The following HAVCR1 variants were observed in gnomAD, a reference collection of about 807,000 sequenced individuals.
HAVCR1 encodes T cell immunoglobin domain and mucin domain protein 1.
A neutral mutation model predicts 32.0 loss-of-function variants in HAVCR1; 34 were observed. That is an observed-to-expected ratio of 1.06 (90% CI 0.81 to 1.42). The LOEUF is 1.42. HAVCR1 is among the 40% of genes most tolerant of loss of function. HAVCR1 has a pLI of 0.00. For synonymous variants in HAVCR1, 178 were observed against 170.3 expected (o/e 1.05, Z -0.35); for missense variants, 420 against 442.3 (o/e 0.95, Z 0.45).
intron 5 of HAVCR1, among the ~76,000 whole-genome samples, chr5:157,047,827 A>T (rs2113586146): frequency 6.6e-6 from 1 of 152,290 alleles, no homozygotes; most frequent in Non-Finnish European, 1.5e-5. Flanking sequence ...GCCGCTCAGA[A>T]GTTCCAGAGA....
At position 157,044,615 on chromosome 5, in the gene HAVCR1, GAGAAAGAAAGAAAGAAAGAA is replaced by G. The variant is rs1554090477; in HGVS notation, c.782-1953_782-1934del. Among the ~76,000 whole-genome samples, 133 of 52,682 alleles carry G rather than the reference GAGAAAGAAAGAAAGAAAGAA, an allele frequency of 2.5e-3. 2 individuals carry two copies. Among genetic ancestry groups the G allele is most frequent in the Admixed American group, 6.5e-3 (26 of 3,990 alleles). The allele number at this position is 52,682 out of a possible 152,430, so 34.6% of individuals were successfully genotyped here. On this transcript the variant is annotated intron_variant, in intron 5 of 8. Transcript: ENST00000523175. ...AGAAAGAAAGAAAGAAAGAAAGAAA[GAGAAAGAAAGAAAGAAAGAA>G]AGAAAGAAAGAAAGAAAGAAAGAAA... is the stretch of plus-strand genomic sequence containing the variant.
At chr5:157,060,622 G>A (rs180966204), upstream of HAVCR1, among the ~76,000 whole-genome samples, 401 of 152,128 alleles carry the variant, frequency 2.6e-3, 5 homozygotes, top group African/African-American at 9.3e-3. Context: ...AGTGCTGCCC[G>A]GTAGAATTTT....
chr5:157,049,098 T>C lies in HAVCR1; in HGVS notation c.721A>G (p.Thr241Ala). Residue 241 changes from threonine to alanine, a missense_variant, in exon 5 of 9, where the codon ACA becomes GCA. By Grantham distance (58) the Thr-to-Ala change is moderately conservative. Coordinates refer to ENST00000523175, the MANE Select transcript of HAVCR1 (RefSeq NM_001173393.3). ...SPQPAETHPTTLQGAIRREPT... is the reference protein window; with the variant it reads ...SPQPAETHPTALQGAIRREPT... ...TCTCTCCTTATTGCTCCCTGCAGTGTCGTAGGGTGGGTTTCTGCTGGCTGA... is the reference window on the plus strand; with the variant it reads ...TCTCTCCTTATTGCTCCCTGCAGTGCCGTAGGGTGGGTTTCTGCTGGCTGA... 4.3e-6 allele frequency: 7 copies of C among 1,613,184 alleles called. No individual in the cohort carries two copies. The highest frequency in any genetic ancestry group is 5.9e-6 in the Non-Finnish European group (7 of 1,179,216).
At chr5:157,058,742 T>A (rs531561502) in intron 1 of HAVCR1, among the ~76,000 whole-genome samples, 179 bp downstream of exon 1, 18 of 152,286 alleles carry the variant, frequency 1.2e-4, no homozygotes, top group African/African-American at 4.3e-4. Flanking sequence ...CCACAACGAC[T>A]TATCCCTAGC....
chr5:157,042,310 C>T (rs888653480), intron 6 of HAVCR1, among the ~76,000 whole-genome samples: 3 of 151,884 alleles, frequency 2.0e-5, no homozygotes, highest in African/African-American at 4.8e-5. Context: ...GGCATGGTGG[C>T]GGGCGCCTGT....
At chr5:157,068,818 C>T in the HAVCR1 span, among the ~76,000 whole-genome samples, 2 of 152,100 alleles carry the variant, frequency 1.3e-5, no homozygotes, top group Admixed American at 6.6e-5. Flanking sequence ...ACTATGTCGC[C>T]TAGGCTGGTC....
chr5:157,068,141 G>A, the HAVCR1 span, among the ~76,000 whole-genome samples: 2 of 152,178 alleles, frequency 1.3e-5, no homozygotes, highest in African/African-American at 4.8e-5. Flanking sequence ...AGGCATGGTT[G>A]CGGGTGCTTC....
At position 157,055,361 on chromosome 5, in the gene HAVCR1, CT is replaced by C. The variant is rs755237996; in HGVS notation, c.218del (p.Lys73ArgfsTer18). The C allele has an allele frequency of 7.2e-5, 117 of 1,613,908 alleles. No homozygotes were observed. The Middle Eastern group carries it at 2.0e-3, about 27-fold the overall frequency. On this transcript the variant is annotated frameshift_variant, in exon 3 of 9. Transcript: ENST00000523175. LOFTEE classifies it high-confidence loss of function. ...CCCCCAATAGCTTATAGCGTGTGTC[CT>C]TCCGATAGGTGACGTGGGTTCCATT... is the stretch of plus-strand genomic sequence containing the variant. ...WTNGTHVTYR[K>X]DTRYKLLGDL... is the part of the protein sequence containing the mutation.
Position 157,041,010 on chromosome 5 carries a change from A to G in HAVCR1, c.837+1617T>C, listed in dbSNP as rs182867338. On this transcript the variant is annotated intron_variant, in intron 6 of 8. Coordinates refer to ENST00000523175, the MANE Select transcript of HAVCR1 (RefSeq NM_001173393.3). ...TTCAAAAAGTTACTTGCACATACTA[A>G]AAGGCAGATTGTTTCTTACAGGAGC... Among the ~76,000 whole-genome samples the G allele has an allele frequency of 1.2e-3, 182 of 152,332 alleles. 1 individual carries two copies. The highest frequency in any genetic ancestry group is 4.0e-3 in the African/African-American group (166 of 41,586).
At chr5:157,057,391 GAA>G (rs1483255653) in intron 2 of HAVCR1, among the ~76,000 whole-genome samples, 921 of 10,184 alleles carry the variant, frequency 0.09, 14 homozygotes, top group African/African-American at 0.12. Flanking sequence ...AGAGAGGAAA[GAA>G]AGAAAGAAAG....
At chr5:157,050,944 C>T (rs1414722044) in intron 4 of HAVCR1, among the ~76,000 whole-genome samples, 1 of 152,078 alleles carries the variant, frequency 6.6e-6, no homozygotes, top group Non-Finnish European at 1.5e-5. Flanking sequence ...CAGATTTTTC[C>T]AGCTAAGAGG....
chr5:157,045,651 A>G (rs936636682), intron 5 of HAVCR1, among the ~76,000 whole-genome samples: 1 of 152,138 alleles, frequency 6.6e-6, no homozygotes, highest in Admixed American at 6.5e-5. Context: ...TAAACAAGAT[A>G]ATATATCCAT....
intron 5 of HAVCR1, among the ~76,000 whole-genome samples, chr5:157,044,629 G>GAAAGAA (rs1554090539): frequency 2.1e-4 from 13 of 61,662 alleles, no homozygotes; most frequent in East Asian, 8.7e-4. Flanking sequence ...AAGAAAGAAA[G>GAAAGAA]AAAGAAAGAA....
intron 3 of HAVCR1, among the ~76,000 whole-genome samples, chr5:157,053,042 A>G (rs553112638): frequency 1.3e-5 from 2 of 152,282 alleles, no homozygotes; most frequent in East Asian, 3.9e-4. Context: ...CTTCCCAAGT[A>G]GCTGGGACTA....
chr5:157,055,217 T>A lies in HAVCR1; in HGVS notation c.363A>T (p.Ser121=). The A allele has an allele frequency of 1.3e-6, 2 of 1,542,848 alleles. No individual in the cohort carries two copies. Among genetic ancestry groups the A allele is most frequent in the African/African-American group, 2.7e-5 (2 of 73,398 alleles). Residue 121 remains serine, a synonymous_variant, in exon 3 of 9, where the codon TCA becomes TCT. Coordinates refer to ENST00000523175, the MANE Select transcript of HAVCR1 (RefSeq NM_001173393.3). ...GWFNDMKITV[S]LEIVPPKVTT... is the part of the protein sequence containing the mutation. ...AAAACTTACGTGGCACAATCTCCAA[T>A]GATACGGTGATTTTCATGTCATTGA... is the stretch of plus-strand genomic sequence containing the variant.
the HAVCR1 span, among the ~76,000 whole-genome samples, chr5:157,067,215 G>A: frequency 5.9e-5 from 9 of 152,198 alleles, no homozygotes; most frequent in Admixed American, 2.6e-4. Flanking sequence ...ACTCACATCA[G>A]CAGATAACTT....
At chr5:157,036,197 G>A (rs547028702) in intron 7 of HAVCR1, among the ~76,000 whole-genome samples, 5 of 152,238 alleles carry the variant, frequency 3.3e-5, no homozygotes, top group African/African-American at 9.6e-5. Flanking sequence ...ACAAAAATTC[G>A]GCCGGGCGTG....
chr5:157,041,787 G>T (rs6874311), intron 6 of HAVCR1, among the ~76,000 whole-genome samples: 33,337 of 152,032 alleles, frequency 0.22, 3,871 homozygotes, highest in Middle Eastern at 0.35. Context: ...GCCCGGGCGC[G>T]GTGGCTCACG....
At chr5:157,039,549 A>C (rs1754740878) in intron 6 of HAVCR1, among the ~76,000 whole-genome samples, 1 of 152,008 alleles carries the variant, frequency 6.6e-6, no homozygotes, top group Non-Finnish European at 1.5e-5. Flanking sequence ...AGGTTTCATC[A>C]TATTGGTCAG....
Sources: allele counts gnomAD v4.1 joint callset (sites outside exome capture counted in the v4.1 genomes callset), GRCh38; gene constraint gnomAD v4.1.1; transcripts MANE v1.5; gene names NCBI Gene and HGNC (gene_info 2026-07-23, HGNC 2026-07-21).